Variants in GRB10 observed in about 807,000 individuals in gnomAD.
GRB10 encodes the protein growth factor receptor bound protein 10.
In GRB10, 20 loss-of-function variants were observed where a neutral mutation model predicts 80.9. The observed-to-expected ratio is 0.25, with a 90% confidence interval of 0.17 to 0.36. The LOEUF (loss-of-function observed/expected upper bound fraction) is 0.36. Ranked by LOEUF, GRB10 falls within the 10% of genes least tolerant of loss-of-function variation. The pLI, the probability that GRB10 is intolerant of heterozygous loss-of-function variation, is 1.00. For missense variants in GRB10, 548 were observed against 747.7 expected, an observed-to-expected ratio of 0.73 and a Z score of 3.12; for synonymous variants, 291 against 291.5, an observed-to-expected ratio of 1.00 and a Z score of 0.02.
intron 2 of GRB10, among the ~76,000 whole-genome samples, chr7:50,759,656 C>T (rs917811939): frequency 3.3e-5 from 5 of 151,944 alleles, no homozygotes; most frequent in South Asian, 2.1e-4. Context: ...TATTTTTATC[C>T]ATGGTTAGTT....
intron 1 of GRB10, among the ~76,000 whole-genome samples, chr7:50,791,242 A>G (rs1312296821): frequency 6.6e-6 from 1 of 152,198 alleles, no homozygotes; most frequent in Non-Finnish European, 1.5e-5. Context: ...TCCTTCCCAA[A>G]ATAAATGTGT....
At chr7:50,774,767 G>A (rs1467010347) in intron 2 of GRB10, among the ~76,000 whole-genome samples, 1 of 151,974 alleles carries the variant, frequency 6.6e-6, no homozygotes, top group Admixed American at 6.6e-5. Flanking sequence ...TCTTATCTCA[G>A]GCCAGGATCA....
chr7:50,603,648 C>T (rs372407215), intron 17 of GRB10, among the ~76,000 whole-genome samples: 1 of 152,198 alleles, frequency 6.6e-6, no homozygotes, highest in Non-Finnish European at 1.5e-5. Context: ...CAAAACCAAC[C>T]TCATGTAGTA....
chr7:50,604,163 G>C, intron 16 of GRB10, 78 bp from the exon 17 acceptor site: 1 of 1,349,020 alleles, frequency 7.4e-7, no homozygotes, highest in South Asian at 1.2e-5. Context: ...AACCAACTCT[G>C]ATCAACTCAG....
intron 12 of GRB10, 28 bp downstream of exon 12, chr7:50,614,742 G>T: frequency 7.0e-7 from 1 of 1,427,170 alleles, no homozygotes; most frequent in Non-Finnish European, 9.9e-7. Context: ...CTGAGCATGC[G>T]CGCCGTCTGT....
intron 17 of GRB10, 106 bp from the exon 18 acceptor site, chr7:50,595,636 C>CACACAG (rs971834235): frequency 5.4e-6 from 4 of 747,184 alleles, no homozygotes; most frequent in Admixed American, 3.7e-5. Flanking sequence ...CACACACACA[C>CACACAG]AGGCTTGGAG....
intron 5 of GRB10, among the ~76,000 whole-genome samples, chr7:50,679,979 A>G (rs933687818): frequency 1.3e-5 from 2 of 152,246 alleles, no homozygotes; most frequent in South Asian, 2.1e-4. Context: ...CATGTATTCT[A>G]GTCACATGCA....
intron 2 of GRB10, among the ~76,000 whole-genome samples, chr7:50,769,112 G>A (rs1468947971): frequency 6.6e-6 from 1 of 152,168 alleles, no homozygotes; most frequent in Admixed American, 6.5e-5. Flanking sequence ...TCCCCATGAT[G>A]AGGCTGTGTT....
chr7:50,648,988 G>A (rs904108384), intron 7 of GRB10, among the ~76,000 whole-genome samples: 2 of 152,124 alleles, frequency 1.3e-5, no homozygotes, highest in African/African-American at 4.8e-5. Flanking sequence ...GGACTTGGGG[G>A]TAAGAAACCC....
intron 3 of GRB10, among the ~76,000 whole-genome samples, chr7:50,741,050 C>T (rs1176088239): frequency 6.6e-6 from 1 of 152,080 alleles, no homozygotes; most frequent in African/African-American, 2.4e-5. Flanking sequence ...GTATTATCCT[C>T]CAAACAGCAA....
chr7:50,664,324 A>C (rs1378704126), intron 7 of GRB10, among the ~76,000 whole-genome samples: 1 of 152,104 alleles, frequency 6.6e-6, no homozygotes, highest in Non-Finnish European at 1.5e-5. Context: ...AGCCTTCTGA[A>C]CTTCACCCAG....
intron 8 of GRB10, among the ~76,000 whole-genome samples, chr7:50,625,804 G>T (rs982217160): frequency 6.6e-6 from 1 of 152,236 alleles, no homozygotes; most frequent in Non-Finnish European, 1.5e-5. Context: ...GGTGGTGTCA[G>T]CTCAAATTTA....
intron 7 of GRB10, among the ~76,000 whole-genome samples, chr7:50,653,415 C>T (rs374449334): frequency 1.3e-5 from 2 of 152,216 alleles, no homozygotes; most frequent in Admixed American, 6.5e-5. Flanking sequence ...CTGTTTGTCT[C>T]GGCCAGCCCC....
intron 8 of GRB10, among the ~76,000 whole-genome samples, chr7:50,619,923 C>T (rs754296945): frequency 4.0e-4 from 60 of 149,340 alleles, no homozygotes; most frequent in South Asian, 2.6e-3. Context: ...GCTGTGGACA[C>T]GTACACACAC....
intron 7 of GRB10, among the ~76,000 whole-genome samples, chr7:50,669,158 A>G (rs912557122): frequency 1.3e-5 from 2 of 152,212 alleles, no homozygotes; most frequent in Admixed American, 1.3e-4. Flanking sequence ...AATCATTGTT[A>G]TTATTTGCCA....
At chr7:50,705,303 T>C in intron 4 of GRB10, 1 of 985,698 alleles carries the variant, frequency 1.0e-6, no homozygotes. Flanking sequence ...AAAGTTGCGT[T>C]CACACCTTCC....
intron 7 of GRB10, among the ~76,000 whole-genome samples, chr7:50,665,476 G>T (rs1467188167): frequency 2.6e-5 from 4 of 152,254 alleles, no homozygotes; most frequent in Non-Finnish European, 5.9e-5. Flanking sequence ...GCAGAGGTGC[G>T]TGGAAGTGCC....
upstream of GRB10, among the ~76,000 whole-genome samples, chr7:50,787,124 T>C (rs2078724485): frequency 6.6e-6 from 1 of 152,140 alleles, no homozygotes; most frequent in Non-Finnish European, 1.5e-5. Flanking sequence ...ATCCCAACAC[T>C]GCATACTGAT....
chr7:50,633,458 G>A (rs1341084826), intron 7 of GRB10, among the ~76,000 whole-genome samples: 3 of 152,168 alleles, frequency 2.0e-5, no homozygotes, highest in African/African-American at 7.2e-5. Flanking sequence ...AGTAGTGACC[G>A]CTTCTACAGA....
Sources: allele counts gnomAD v4.1 joint callset (sites outside exome capture counted in the v4.1 genomes callset), GRCh38; gene constraint gnomAD v4.1.1; transcripts MANE v1.5; gene names NCBI Gene and HGNC (gene_info 2026-07-23, HGNC 2026-07-21).